Variants in RAB3IP observed in about 807,000 individuals in gnomAD.
The protein encoded by RAB3IP is RAB3A interacting protein, also known as rab-3A-interacting protein.
In RAB3IP, 36 loss-of-function variants were observed where a neutral mutation model predicts 59.1. The observed-to-expected ratio is 0.61, with a 90% CI of 0.47 to 0.80. The LOEUF is 0.80. RAB3IP is among the 30% of genes least tolerant of loss of function. The pLI is 0.00. For synonymous variants in RAB3IP, 207 were observed against 191.2 expected (o/e 1.08, Z -0.68); for missense variants, 511 against 536.0 (o/e 0.95, Z 0.46).
At chr12:69,772,605 C>A in intron 3 of RAB3IP, among the ~76,000 whole-genome samples, 1 of 152,024 alleles carries the variant, frequency 6.6e-6, no homozygotes, top group Non-Finnish European at 1.5e-5. Flanking sequence ...ATGAGGCTTA[C>A]AAAAAACATA....
chr12:69,754,318 C>G (rs1869818350), intron 1 of RAB3IP, among the ~76,000 whole-genome samples: 7 of 143,180 alleles, frequency 4.9e-5, no homozygotes. Context: ...ACTTAGGATA[C>G]ACACACACAT....
At chr12:69,780,126 G>A (rs193194769) in intron 3 of RAB3IP, among the ~76,000 whole-genome samples, 2 of 152,288 alleles carry the variant, frequency 1.3e-5, no homozygotes, top group South Asian at 2.1e-4. Context: ...GATGACTCAA[G>A]GTAGGGGTAC....
chr12:69,765,843 A>G (rs1322704811), intron 3 of RAB3IP, among the ~76,000 whole-genome samples: 2 of 152,234 alleles, frequency 1.3e-5, no homozygotes, highest in African/African-American at 4.8e-5. Context: ...TCTAGTGGTA[A>G]TGAATTCCCT....
intron 8 of RAB3IP, among the ~76,000 whole-genome samples, chr12:69,806,845 A>G (rs904541456): frequency 2.6e-5 from 4 of 152,090 alleles, no homozygotes; most frequent in Non-Finnish European, 4.4e-5. Context: ...CCCTTAATCC[A>G]TTTAACCCTG....
intron 4 of RAB3IP, chr12:69,785,043 T>C (rs1875399767): frequency 3.5e-6 from 1 of 283,778 alleles, no homozygotes; most frequent in South Asian, 7.1e-5. Flanking sequence ...TAAAAATGTA[T>C]GTGTGCAAAG....
In RAB3IP at chr12:69,756,625, T is replaced by A; in HGVS notation, c.472T>A (p.Tyr158Asn). ...PSVLEVREKG[Y>N]ERLKEELAKA... ...TGTTTTGGAAGTTAGAGAAAAGGGCTATGAACGATTAAAAGAAGAACTCGC... is the reference window on the plus strand; with the variant it reads ...TGTTTTGGAAGTTAGAGAAAAGGGCAATGAACGATTAAAAGAAGAACTCGC... Residue 158 changes from tyrosine to asparagine, a missense_variant, in exon 3 of 11, where the codon TAT becomes AAT. Coordinates refer to ENST00000247833, the MANE Select transcript of RAB3IP (RefSeq NM_022456.5). 1 of 1,613,902 alleles carries A rather than the reference T, an allele frequency of 6.2e-7. No homozygotes were observed. Among genetic ancestry groups the A allele is most frequent in the African/African-American group, 1.3e-5 (1 of 75,028 alleles).
intron 1 of RAB3IP, among the ~76,000 whole-genome samples, chr12:69,747,329 T>TGA (rs1437579923): frequency 9.1e-4 from 84 of 91,964 alleles, no homozygotes; most frequent in South Asian, 4.0e-3. Context: ...TGTGTGTGTG[T>TGA]GTGAGAGAGA....
At position 69,815,420 on chromosome 12, in the gene RAB3IP, C is replaced by T. The variant is rs1175737868; in HGVS notation, c.1357C>T (p.Leu453=). The T allele has an allele frequency of 1.1e-5, 18 of 1,612,676 alleles. No individual in the cohort carries two copies. The highest frequency in any genetic ancestry group is 1.5e-5 in the Non-Finnish European group (18 of 1,178,936). Residue 453 remains leucine, a synonymous_variant, in exon 11 of 11, where the codon CTG becomes TTG. Coordinates refer to ENST00000247833, the MANE Select transcript of RAB3IP (RefSeq NM_022456.5). ...QLRKEMSLAK[L]GYFKEEL is the part of the protein sequence containing the mutation. ...GAGAAAAGAGATGTCATTGGCAAAG[C>T]TGGGTTATTTCAAAGAGGAACTCTG...
chr12:69,801,280 A>G (rs1364017861), intron 7 of RAB3IP, among the ~76,000 whole-genome samples: 2 of 152,236 alleles, frequency 1.3e-5, no homozygotes, highest in African/African-American at 2.4e-5. Context: ...ATTTAGCAGA[A>G]TAAAGCTTTA....
At position 69,756,468 on chromosome 12, in the gene RAB3IP, A is replaced by G. The variant is rs765685374; in HGVS notation, c.315A>G (p.Leu105=). Residue 105 remains leucine (L), a synonymous_variant, in exon 3 of 11, where the codon TTA becomes TTG. Coordinates refer to ENST00000247833, the MANE Select transcript of RAB3IP (RefSeq NM_022456.5). ...GAGTCACAGCTGGATTAACTAAATTAACTACAAGAAAGGACAACTATAATG... is the reference window on the plus strand; with the variant it reads ...GAGTCACAGCTGGATTAACTAAATTGACTACAAGAAAGGACAACTATAATG... ...TSGVTAGLTK[L]TTRKDNYNAE... The G allele has an allele frequency of 6.2e-7, 1 of 1,614,106 alleles. No individual in the cohort carries two copies. The highest frequency in any genetic ancestry group is 1.7e-5 in the Admixed American group (1 of 60,024).
chr12:69,791,302 A>C (rs1876571097), intron 4 of RAB3IP, among the ~76,000 whole-genome samples: 1 of 152,210 alleles, frequency 6.6e-6, no homozygotes, highest in African/African-American at 2.4e-5. Flanking sequence ...GTGACACCAA[A>C]AGCACAGGCA....
intron 4 of RAB3IP, among the ~76,000 whole-genome samples, chr12:69,793,587 A>T (rs1039405597): frequency 6.6e-6 from 1 of 152,210 alleles, no homozygotes; most frequent in Non-Finnish European, 1.5e-5. Context: ...TACAGGGATT[A>T]TTCTATACAA....
Position 69,801,648 on chromosome 12 carries a change from C to CT in RAB3IP, c.1058dup (p.Ser354LysfsTer3). 1 of 1,612,668 alleles carries CT rather than the reference C, an allele frequency of 6.2e-7. No individual in the cohort carries two copies. Among genetic ancestry groups the CT allele is most frequent in the Non-Finnish European group, 8.5e-7 (1 of 1,179,088 alleles). On this transcript the variant is annotated frameshift_variant, in exon 8 of 11. Coordinates refer to ENST00000247833, the MANE Select transcript of RAB3IP (RefSeq NM_022456.5). LOFTEE classifies it high-confidence loss of function. Reference sequence around the variant, plus strand: ...TCTGGAGGCTGTGGAAAACAATACTCTAAGCATTGAACCAGTGGGATTACA... The same window carrying CT: ...TCTGGAGGCTGTGGAAAACAATACTCTTAAGCATTGAACCAGTGGGATTACA...
intron 6 of RAB3IP, among the ~76,000 whole-genome samples, chr12:69,799,906 A>G (rs964810445): frequency 1.3e-5 from 2 of 152,126 alleles, no homozygotes; most frequent in South Asian, 2.1e-4. Context: ...CAGAGTGAGG[A>G]TAATAGTAGT....
chr12:69,790,670 C>T (rs184043612), intron 4 of RAB3IP, among the ~76,000 whole-genome samples: 168 of 152,154 alleles, frequency 1.1e-3, no homozygotes, highest in Middle Eastern at 0.01. Flanking sequence ...CTATAACCTC[C>T]GCCTCCTGGG....
chr12:69,812,591 A>G (rs1880604653), intron 8 of RAB3IP, 187 bp from the exon 9 acceptor site: 2 of 565,178 alleles, frequency 3.5e-6, no homozygotes, highest in Admixed American at 6.6e-5. Flanking sequence ...CTACTAATAG[A>G]ATGTAAGTCT....
At chr12:69,768,675 C>T (rs1399975423) in intron 3 of RAB3IP, among the ~76,000 whole-genome samples, 1 of 152,210 alleles carries the variant, frequency 6.6e-6, no homozygotes, top group Non-Finnish European at 1.5e-5. Flanking sequence ...GGCTGCAAGC[C>T]TTGCTGCCCA....
In RAB3IP at chr12:69,795,120, CTA is replaced by C; in HGVS notation, c.685-19_685-18del. ...CATGAAACGTATTTAATGTATGTGA[CTA>C]TGTTGATTTCTTTCCAAGATTGATG... is the stretch of plus-strand genomic sequence containing the variant. On this transcript the variant is annotated intron_variant, in intron 5 of 10. Transcript: ENST00000247833. 1.3e-6 allele frequency: 2 copies of C among 1,581,718 alleles called. No individual in the cohort carries two copies. Among genetic ancestry groups the C allele is most frequent in the South Asian group, 1.1e-5 (1 of 89,912 alleles).
intron 3 of RAB3IP, among the ~76,000 whole-genome samples, chr12:69,783,940 A>G (rs900310787): frequency 1.3e-5 from 2 of 152,168 alleles, no homozygotes; most frequent in African/African-American, 4.8e-5. Flanking sequence ...TTGGGGGATT[A>G]AAAGACTATA....
Sources: gnomAD v4.1 joint callset for allele counts (sites outside exome capture counted in the v4.1 genomes callset) on GRCh38, gnomAD v4.1.1 for gene constraint, MANE v1.5 for transcripts, NCBI Gene and HGNC (gene_info 2026-07-23, HGNC 2026-07-21) for gene names.